Variants in GRIN2A observed in about 807,000 individuals in gnomAD.
GRIN2A encodes glutamate receptor ionotropic, NMDA 2A.
GRIN2A carries 22 observed loss-of-function variants against 113.4 expected under a neutral mutation model. The ratio of observed to expected loss-of-function variants is 0.19; its 90% CI spans 0.14 to 0.28. GRIN2A has a LOEUF of 0.28. Ranked by LOEUF, GRIN2A falls within the 10% of genes least tolerant of loss-of-function variation. The pLI is 1.00. For synonymous variants in GRIN2A, 827 were observed against 738.4 expected (o/e 1.12, Z -1.94); for missense variants, 1,502 against 1,887.0 (o/e 0.80, Z 3.78).
rs369924648 is a variant in GRIN2A, at chr16:9,870,018, T to G, written c.1123-20057A>C. ...GTATGCCAAAATGAAACTAAGGAAA[T>G]GTATTTGGATTTTTTTTCCCTGCTC... On this transcript the variant is annotated intron_variant, in intron 4 of 12. Transcript: ENST00000330684. 1.4e-4 allele frequency among the ~76,000 whole-genome samples: 22 copies of G among 152,298 alleles called. 2 individuals are homozygous for G. The East Asian group carries it at 3.9e-3, about 27-fold the overall frequency.
At chr16:10,130,641 A>C (rs1373104826) in intron 2 of GRIN2A, among the ~76,000 whole-genome samples, 3 of 152,190 alleles carry the variant, frequency 2.0e-5, no homozygotes, top group Non-Finnish European at 4.4e-5. Flanking sequence ...CAGCATCCAA[A>C]CATCACATGA....
At chr16:10,159,320 G>A (rs1035871537) in intron 2 of GRIN2A, among the ~76,000 whole-genome samples, 4 of 152,186 alleles carry the variant, frequency 2.6e-5, no homozygotes, top group Admixed American at 2.6e-4. Flanking sequence ...GCCTGGGCAG[G>A]TTCAGTATGA....
chr16:9,769,798 C>T (rs993659864), intron 11 of GRIN2A, among the ~76,000 whole-genome samples: 2 of 152,116 alleles, frequency 1.3e-5, no homozygotes, highest in African/African-American at 4.8e-5. Flanking sequence ...GAAGAAAATG[C>T]CTAACACAGT....
Position 9,764,688 on chromosome 16 carries a change from T to G in GRIN2A, c.2856A>C (p.Lys952Asn), listed in dbSNP as rs1900800927. 6.2e-7 allele frequency: 1 copy of G among 1,614,228 alleles called. No individual in the cohort carries two copies. Among genetic ancestry groups the G allele is most frequent in the East Asian group, 2.2e-5 (1 of 44,888 alleles). ...TCATGTTGTCTCCAAAAATGCTCTC[T>G]TTCCCCTGAAAGGACCTGTTGTCTG... ...MYSDNRSFQG[K>N]ESIFGDNMNE... is the part of the protein sequence containing the mutation. Residue 952 changes from lysine to asparagine, a missense_variant, in exon 13 of 13, where the codon AAA (lysine) becomes AAC (asparagine). Transcript: ENST00000330684.
At chr16:9,794,955 G>A (rs1426566322) in intron 11 of GRIN2A, among the ~76,000 whole-genome samples, 1 of 152,132 alleles carries the variant, frequency 6.6e-6, no homozygotes, top group African/African-American at 2.4e-5. Context: ...GGAGGGTGGT[G>A]GTGATGGCCA....
rs568258849 is a variant in GRIN2A at position 10,078,032 on chromosome 16, T to C, written c.414+101966A>G. ...TTTCCTCATCTGCAAAATGCGGTTG[T>C]GGTAAGGGCTGAATACCATTGTGGT... On this transcript the variant is annotated intron_variant, in intron 2 of 12. Coordinates refer to ENST00000330684, the MANE Select transcript of GRIN2A (RefSeq NM_001134407.3). Among the ~76,000 whole-genome samples the C allele has an allele frequency of 7.2e-5, 11 of 152,308 alleles. No individual in the cohort carries two copies. The South Asian group carries it at 2.3e-3, about 32-fold the overall frequency.
At chr16:10,170,301 C>T (rs1026070385) in intron 2 of GRIN2A, among the ~76,000 whole-genome samples, 5 of 152,110 alleles carry the variant, frequency 3.3e-5, no homozygotes, top group Non-Finnish European at 5.9e-5. Context: ...TCTCACATCC[C>T]CCTTTCTGCA....
chr16:9,966,759 A>T (rs1252537086), intron 2 of GRIN2A, among the ~76,000 whole-genome samples: 1 of 152,220 alleles, frequency 6.6e-6, no homozygotes, highest in Non-Finnish European at 1.5e-5. Context: ...CCTCGATCAG[A>T]ATCACCCAAA....
chr16:10,100,079 C>T (rs2048363654), intron 2 of GRIN2A, among the ~76,000 whole-genome samples: 1 of 152,126 alleles, frequency 6.6e-6, no homozygotes. Flanking sequence ...CCATGTCAGA[C>T]AGGTGAAGGG....
chr16:10,179,281 G>A (rs2050211487), intron 2 of GRIN2A, among the ~76,000 whole-genome samples: 1 of 152,122 alleles, frequency 6.6e-6, no homozygotes, highest in Admixed American at 6.5e-5. Flanking sequence ...GAGGGCCTTG[G>A]AGCCCCAGAC....
chr16:9,889,341 A>T (rs2043647584), intron 4 of GRIN2A, among the ~76,000 whole-genome samples: 1 of 151,814 alleles, frequency 6.6e-6, no homozygotes, highest in Non-Finnish European at 1.5e-5. Context: ...ATATTGGCTT[A>T]TTTGTGTTTT....
intron 2 of GRIN2A, among the ~76,000 whole-genome samples, chr16:10,178,497 T>C (rs2050194793): frequency 6.6e-6 from 1 of 152,124 alleles, no homozygotes; most frequent in South Asian, 2.1e-4. Flanking sequence ...CCTAAGATGC[T>C]CTCCAGTTCT....
intron 2 of GRIN2A, among the ~76,000 whole-genome samples, chr16:10,005,427 C>G (rs1377810411): frequency 6.6e-6 from 1 of 152,070 alleles, no homozygotes; most frequent in Non-Finnish European, 1.5e-5. Context: ...ATTTTTCAAT[C>G]CAAAGGAAAA....
chr16:10,054,833 G>A (rs1408952778), intron 2 of GRIN2A, among the ~76,000 whole-genome samples: 1 of 151,710 alleles, frequency 6.6e-6, no homozygotes, highest in African/African-American at 2.4e-5. Flanking sequence ...GGATCATGAG[G>A]TCAGGAGATC....
chr16:9,951,156 T>C (rs1234200530), intron 2 of GRIN2A, among the ~76,000 whole-genome samples: 1 of 152,096 alleles, frequency 6.6e-6, no homozygotes, highest in African/African-American at 2.4e-5. Flanking sequence ...CATCACCAGC[T>C]TCTTCCTCTG....
At chr16:9,850,326 C>T (rs750634049) in intron 4 of GRIN2A, among the ~76,000 whole-genome samples, 13 of 152,116 alleles carry the variant, frequency 8.5e-5, no homozygotes, top group Non-Finnish European at 1.2e-4. Context: ...TTTGATTCTC[C>T]CACTGTACCA....
intron 7 of GRIN2A, 86 bp downstream of exon 7, chr16:9,840,561 G>A (rs943071944): frequency 1.4e-5 from 17 of 1,235,440 alleles, no homozygotes; most frequent in Non-Finnish European, 1.9e-5. Context: ...AGCTAAACAA[G>A]TTCCTTTCTG....
intron 4 of GRIN2A, among the ~76,000 whole-genome samples, chr16:9,866,607 G>A (rs2043164171): frequency 6.6e-6 from 1 of 152,054 alleles, no homozygotes; most frequent in African/African-American, 2.4e-5. Flanking sequence ...CAACACCTGG[G>A]GATAATATTG....
intron 2 of GRIN2A, among the ~76,000 whole-genome samples, chr16:10,165,450 T>C (rs2049893674): frequency 6.7e-6 from 1 of 149,340 alleles, no homozygotes; most frequent in African/African-American, 2.5e-5. Context: ...AGATTACTTG[T>C]ATATTAGCTG....
Sources: allele counts gnomAD v4.1 joint callset (sites outside exome capture counted in the v4.1 genomes callset), GRCh38; gene constraint gnomAD v4.1.1; transcripts MANE v1.5; gene names NCBI Gene and HGNC (gene_info 2026-07-23, HGNC 2026-07-21).